The following INSYN2A variants were observed in gnomAD, a reference collection of about 807,000 sequenced individuals.
INSYN2A encodes the protein inhibitory synaptic factor 2A, also known as family with sequence similarity 196 member A.
Under a neutral mutation model 39.4 loss-of-function variants are expected in INSYN2A, and 17 were observed. The ratio of observed to expected loss-of-function variants is 0.43; its 90% CI spans 0.30 to 0.65. The LOEUF is 0.65. INSYN2A is among the 30% of genes least tolerant of loss of function. The pLI is 0.14. For synonymous variants in INSYN2A, 255 were observed against 265.7 expected, an observed-to-expected ratio of 0.96 and a Z score of 0.39; for missense variants, 595 against 631.2, an observed-to-expected ratio of 0.94 and a Z score of 0.61.
chr10:127,137,619 C>G lies in INSYN2A; in HGVS notation c.*218G>C. ...TCATTTCAGATTTTACATCCCACAT[C>G]AGTGAACTGCAAAGAACAGCTGGCA... On this transcript the variant is annotated 3_prime_UTR_variant, in exon 6 of 6. Coordinates refer to ENST00000522781, the MANE Select transcript of INSYN2A (RefSeq NM_001039762.3). The G allele has an allele frequency of 8.5e-6, 4 of 468,632 alleles. No individual in the cohort carries two copies. In the South Asian group the frequency reaches 2.0e-4, roughly 23 times the overall value. 29.0% of individuals were successfully genotyped at this position (468,632 alleles called of 1,614,324 possible). A position where few individuals can be genotyped will look rare whatever the true frequency, so the allele number is the denominator to read the frequency against.
chr10:127,151,547 C>G (rs2052482755), intron 5 of INSYN2A, among the ~76,000 whole-genome samples: 1 of 152,120 alleles, frequency 6.6e-6, no homozygotes, highest in Non-Finnish European at 1.5e-5. Flanking sequence ...AATGCCTCTC[C>G]CATTTATAAG....
At position 127,175,175 on chromosome 10, in the gene INSYN2A, C is replaced by G; in HGVS notation, c.1184+37G>C. Reference sequence around the variant, plus strand: ...ACAGATGGACTCTGTGGTGATCAGCCTGCATAGCTTCCTAAGACATGGGTG... The same window carrying G: ...ACAGATGGACTCTGTGGTGATCAGCGTGCATAGCTTCCTAAGACATGGGTG... On this transcript the variant is annotated intron_variant, in intron 4 of 5. Transcript: ENST00000522781. This position sits in a 1 kb window ranked among gnomAD's most constrained non-coding sequence, Gnocchi z 6.3. The G allele has an allele frequency of 6.5e-7, 1 of 1,544,808 alleles. No homozygotes were observed. The highest frequency in any genetic ancestry group is 8.8e-7 in the Non-Finnish European group (1 of 1,130,756).
At chr10:127,174,593 G>A (rs936715872) in intron 4 of INSYN2A, among the ~76,000 whole-genome samples, 9 of 152,166 alleles carry the variant, frequency 5.9e-5, no homozygotes, top group South Asian at 2.1e-4. Context: ...AGGGCAGCCC[G>A]TGGGGAAGGG....
intron 2 of INSYN2A, among the ~76,000 whole-genome samples, chr10:127,180,196 G>T (rs2055594443): frequency 1.3e-5 from 2 of 152,220 alleles, no homozygotes; most frequent in African/African-American, 4.8e-5. Flanking sequence ...GTGTATCTGG[G>T]TGCTGGTTAG....
intron 2 of INSYN2A, among the ~76,000 whole-genome samples, chr10:127,187,068 C>T (rs1317628420): frequency 6.6e-6 from 1 of 152,220 alleles, no homozygotes. Flanking sequence ...ACAATTCACC[C>T]CGGGGCAAAA....
chr10:127,144,937 T>G (rs1417311535), intron 5 of INSYN2A, among the ~76,000 whole-genome samples: 1 of 151,830 alleles, frequency 6.6e-6, no homozygotes, highest in Non-Finnish European at 1.5e-5. Context: ...GAACAAGAAA[T>G]TATGATTATA....
chr10:127,156,278 A>C (rs754392597), intron 4 of INSYN2A, among the ~76,000 whole-genome samples: 40 of 152,220 alleles, frequency 2.6e-4, no homozygotes, highest in Non-Finnish European at 4.4e-4. Flanking sequence ...ATACAGTCAC[A>C]CTTCAGGTCC....
At chr10:127,178,751 A>T (rs1180347853) in intron 2 of INSYN2A, among the ~76,000 whole-genome samples, 2 of 152,186 alleles carry the variant, frequency 1.3e-5, no homozygotes. Flanking sequence ...CTGGAGATGC[A>T]CCAATATCTT....
intron 2 of INSYN2A, among the ~76,000 whole-genome samples, chr10:127,177,476 T>C (rs2055270199): frequency 1.3e-5 from 2 of 152,250 alleles, no homozygotes; most frequent in Admixed American, 6.5e-5. Flanking sequence ...GTGTGTTGTT[T>C]GTGAGTGAGG....
At chr10:127,186,515 GCCCCC>G in intron 2 of INSYN2A, among the ~76,000 whole-genome samples, 1 of 12,634 alleles carries the variant, frequency 7.9e-5, no homozygotes, top group Non-Finnish European at 2.9e-4. Context: ...CCGCCCCCCC[GCCCCC>G]CCCCGATCCA....
chr10:127,152,211 C>A (rs777866963), intron 5 of INSYN2A, among the ~76,000 whole-genome samples: 1 of 152,184 alleles, frequency 6.6e-6, no homozygotes, highest in Admixed American at 6.5e-5. Context: ...CACTTCCTAA[C>A]GTACTGATGT....
chr10:127,149,621 G>A (rs528425504), intron 5 of INSYN2A, among the ~76,000 whole-genome samples: 1 of 152,250 alleles, frequency 6.6e-6, no homozygotes, highest in Non-Finnish European at 1.5e-5. Flanking sequence ...ATTGGGTTTC[G>A]AGTGAAAAGT....
chr10:127,147,495 C>T (rs2052000355), intron 5 of INSYN2A, among the ~76,000 whole-genome samples: 3 of 152,074 alleles, frequency 2.0e-5, no homozygotes, highest in Admixed American at 2.0e-4. Flanking sequence ...ACCTGTGGCT[C>T]TCACCTTCCA....
intron 5 of INSYN2A, chr10:127,145,990 G>A (rs751156036): frequency 4.5e-5 from 23 of 515,858 alleles, no homozygotes; most frequent in African/African-American, 1.7e-4. Context: ...TGGGGACCCC[G>A]CACCCTGAAT....
intron 2 of INSYN2A, among the ~76,000 whole-genome samples, chr10:127,183,237 G>A (rs1167530): frequency 1 from 152,031 of 152,232 alleles, 75,915 homozygotes; most frequent in Non-Finnish European, 1. Context: ...ACCCTATTGG[G>A]ACAATCAGGG....
At chr10:127,148,060 T>G (rs79060572) in intron 5 of INSYN2A, among the ~76,000 whole-genome samples, 32 of 138,704 alleles carry the variant, frequency 2.3e-4, no homozygotes, top group Non-Finnish European at 3.1e-4. Flanking sequence ...AAAAAAAAAA[T>G]TCCACCTGTC....
intron 1 of INSYN2A, among the ~76,000 whole-genome samples, chr10:127,194,728 C>G (rs956989838): frequency 6.6e-6 from 1 of 152,136 alleles, no homozygotes; most frequent in Admixed American, 6.5e-5. Context: ...GAGGGGGGAG[C>G]GTTCAAGTGC....
intron 2 of INSYN2A, among the ~76,000 whole-genome samples, chr10:127,187,818 G>A (rs2056423516): frequency 6.6e-6 from 1 of 152,116 alleles, no homozygotes; most frequent in African/African-American, 2.4e-5. Flanking sequence ...AAGCATATTG[G>A]TCTCTACCCC....
At chr10:127,149,156 C>T (rs1012174117) in intron 5 of INSYN2A, among the ~76,000 whole-genome samples, 1 of 152,164 alleles carries the variant, frequency 6.6e-6, no homozygotes, top group Non-Finnish European at 1.5e-5. Flanking sequence ...ACATCCCTTG[C>T]ATAATTGTAA....
Sources: gnomAD v4.1 joint callset for allele counts (sites outside exome capture counted in the v4.1 genomes callset) on GRCh38, gnomAD v4.1.1 for gene constraint, Gnocchi (gnomAD v3.1) non-coding constraint, MANE v1.5 for transcripts, NCBI Gene and HGNC (gene_info 2026-07-23, HGNC 2026-07-21) for gene names.